RUBCN: variants seen among roughly 807,000 people sequenced by gnomAD.
RUBCN encodes the protein run domain Beclin-1-interacting and cysteine-rich domain-containing protein.
RUBCN carries 74 observed loss-of-function variants against 113.2 expected under a neutral mutation model. That is an observed-to-expected ratio of 0.65 (90% CI 0.54 to 0.79). The LOEUF is 0.79. Ranked by LOEUF, RUBCN falls within the 30% of genes least tolerant of loss-of-function variation. The probability of loss-of-function intolerance (pLI) is 0.00; values close to 1 mark genes in which losing one functional copy is unlikely to be tolerated. For synonymous variants in RUBCN, 480 were observed against 490.0 expected, an observed-to-expected ratio of 0.98 and a Z score of 0.27; for missense variants, 1,109 against 1,251.7, an observed-to-expected ratio of 0.89 and a Z score of 1.72.
chr3:197,670,590 A>C lies in RUBCN; in HGVS notation c.*4428T>G, dbSNP rs1719695023. Among the ~76,000 whole-genome samples the C allele has an allele frequency of 6.6e-6, 1 of 152,256 alleles. No individual in the cohort carries two copies. Among genetic ancestry groups the C allele is most frequent in the Non-Finnish European group, 1.5e-5 (1 of 68,040 alleles). On this transcript the variant is annotated 3_prime_UTR_variant, in exon 20 of 20. Coordinates refer to ENST00000296343, the MANE Select transcript of RUBCN (RefSeq NM_014687.4). ...AACAAAAGGGCCTTAGAACAAAGTG[A>C]AGGTTTTGTACTGTAAGCTATTTTC... is the stretch of plus-strand genomic sequence containing the variant.
At chr3:197,715,540 G>A (rs748953387) in intron 2 of RUBCN, among the ~76,000 whole-genome samples, 2 of 150,100 alleles carry the variant, frequency 1.3e-5, no homozygotes, top group African/African-American at 2.5e-5. Flanking sequence ...CATACTAGGA[G>A]AGCTCTTCCT....
chr3:197,703,432 A>AAAAAG (rs1553896558), intron 5 of RUBCN, 116 bp downstream of exon 5: 1 of 427,910 alleles, frequency 2.3e-6, no homozygotes, highest in African/African-American at 2.5e-5. Flanking sequence ...AAAAAAAAAA[A>AAAAAG]TGCAAGCCTT....
At chr3:197,721,570 A>G (rs1204664776) in intron 1 of RUBCN, among the ~76,000 whole-genome samples, 1 of 151,828 alleles carries the variant, frequency 6.6e-6, no homozygotes, top group African/African-American at 2.4e-5. Context: ...TTTTATATAT[A>G]TATTTTTTCA....
intron 2 of RUBCN, among the ~76,000 whole-genome samples, chr3:197,715,299 A>AG (rs1215107065): frequency 6.6e-6 from 1 of 151,700 alleles, no homozygotes; most frequent in Non-Finnish European, 1.5e-5. Flanking sequence ...TGAAAAAAAA[A>AG]AAAAAAGAAA....
At chr3:197,739,345 C>T (rs1728410267), upstream of RUBCN, among the ~76,000 whole-genome samples, 1 of 144,116 alleles carries the variant, frequency 6.9e-6, no homozygotes. Flanking sequence ...GAGCCGAGAT[C>T]GTGCTACTGC....
intron 2 of RUBCN, among the ~76,000 whole-genome samples, chr3:197,707,862 G>A (rs1264065902): frequency 6.6e-6 from 1 of 152,022 alleles, no homozygotes; most frequent in Non-Finnish European, 1.5e-5. Context: ...TACTCGGGAG[G>A]CTGAGGCAGG....
intron 1 of RUBCN, among the ~76,000 whole-genome samples, chr3:197,720,256 A>G (rs772246469): frequency 1.3e-4 from 20 of 152,218 alleles, no homozygotes; most frequent in Non-Finnish European, 2.1e-4. Context: ...ACCGAGTAAT[A>G]GCATGTGACA....
At position 197,675,004 on chromosome 3, in the gene RUBCN, T is replaced by C. The variant is rs1246857309; in HGVS notation, c.*14A>G. 6.2e-7 allele frequency: 1 copy of C among 1,609,232 alleles called. No individual in the cohort carries two copies. Among genetic ancestry groups the C allele is most frequent in the South Asian group, 1.1e-5 (1 of 90,968 alleles). On this transcript the variant is annotated 3_prime_UTR_variant, in exon 20 of 20. Transcript: ENST00000296343. This position sits in a 1 kb window ranked among gnomAD's most constrained non-coding sequence, Gnocchi z 4.4. ...GTGTGACCCGGCCCGGAGGGAGGGC[T>C]GCACGTGCTTTCTTCAGGTGGCCTC... is the stretch of plus-strand genomic sequence containing the variant.
chr3:197,688,915 A>G (rs1474090798), intron 11 of RUBCN, among the ~76,000 whole-genome samples: 2 of 152,208 alleles, frequency 1.3e-5, no homozygotes, highest in East Asian at 3.8e-4. Flanking sequence ...AACTGACACA[A>G]GGGATACTAC....
At chr3:197,716,727 T>C (rs1339703936) in intron 2 of RUBCN, among the ~76,000 whole-genome samples, 3 of 152,036 alleles carry the variant, frequency 2.0e-5, no homozygotes, top group Non-Finnish European at 4.4e-5. Flanking sequence ...GGATTGTCCA[T>C]GTGGGCCCAG....
intron 11 of RUBCN, among the ~76,000 whole-genome samples, chr3:197,691,821 C>T (rs1158980573): frequency 6.6e-6 from 1 of 151,892 alleles, no homozygotes; most frequent in Non-Finnish European, 1.5e-5. Context: ...GAGGTCAGAC[C>T]CTCTTTCTTT....
chr3:197,735,702 T>C (rs773597458), intron 1 of RUBCN, among the ~76,000 whole-genome samples: 2 of 152,042 alleles, frequency 1.3e-5, no homozygotes, highest in Non-Finnish European at 2.9e-5. Flanking sequence ...AGTGATCCTC[T>C]CGCCTCAGCC....
chr3:197,747,661 G>C (rs1421123718), intron 1 of RUBCN, among the ~76,000 whole-genome samples: 1 of 152,038 alleles, frequency 6.6e-6, no homozygotes, highest in African/African-American at 2.4e-5. Context: ...CTTAACCTAA[G>C]GATCCTCTCT....
Position 197,713,868 on chromosome 3 carries a change from T to C in RUBCN, c.219+4109A>G, listed in dbSNP as rs1174707766. ...GGTGGGCGAATCATGAGCTCAGGAG[T>C]TCAAGACCATCCTGGCTAACACGGT... On this transcript the variant is annotated intron_variant, in intron 2 of 19. Transcript: ENST00000296343. Among the ~76,000 whole-genome samples the C allele has an allele frequency of 4.7e-5, 7 of 149,856 alleles. No individual in the cohort carries two copies. In the South Asian group the frequency reaches 1.5e-3, roughly 32 times the overall value.
At chr3:197,677,651 G>A (rs1380995645) in intron 16 of RUBCN, 110 bp from the exon 17 acceptor site, 7 of 912,682 alleles carry the variant, frequency 7.7e-6, no homozygotes, top group African/African-American at 1.6e-5. Context: ...CTTGCATGCT[G>A]CACCCAGAGC....
chr3:197,710,698 T>G (rs1457305442), intron 2 of RUBCN, among the ~76,000 whole-genome samples: 1 of 151,236 alleles, frequency 6.6e-6, no homozygotes, highest in Non-Finnish European at 1.5e-5. Flanking sequence ...ATAAAGAATA[T>G]CTATAAATCA....
rs781222911 is a variant in RUBCN, at chr3:197,681,305, C to T, written c.2254G>A (p.Glu752Lys). 2.3e-5 allele frequency: 37 copies of T among 1,614,056 alleles called. No individual in the cohort carries two copies. The highest frequency in any genetic ancestry group is 2.9e-5 in the Non-Finnish European group (34 of 1,180,046). ...CTGGGGATGGCCATCTGGGCATTCTCGTGGCAGCACTGGCAGAAGTACTTG... is the reference window on the plus strand; with the variant it reads ...CTGGGGATGGCCATCTGGGCATTCTTGTGGCAGCACTGGCAGAAGTACTTG... ...LGKYFCQCCH[E>K]NAQMAIPSRV... The change falls in exon 16 of 20, where the codon GAG (glutamate) becomes AAG (lysine). Residue 752 changes from glutamate (E) to lysine (K), a missense_variant. Around this residue, in one of 3 missense-constraint regions of RUBCN, gnomAD observed 306 missense variants for 348.9 expected, o/e 0.88. Transcript: ENST00000296343. The surrounding 1 kb of genome is among the most constrained non-coding windows in gnomAD (Gnocchi z 5.5).
At chr3:197,714,925 C>A (rs1725349001) in intron 2 of RUBCN, among the ~76,000 whole-genome samples, 1 of 152,012 alleles carries the variant, frequency 6.6e-6, no homozygotes, top group South Asian at 2.1e-4. Context: ...AAAGCAGAAA[C>A]CTTTAAGAAT....
chr3:197,743,937 T>C (rs1299518518), intron 1 of RUBCN, among the ~76,000 whole-genome samples: 3 of 152,010 alleles, frequency 2.0e-5, no homozygotes, highest in African/African-American at 7.2e-5. Flanking sequence ...TGAGTCAAGA[T>C]TGCGCCACTG....
Sources: gnomAD v4.1 joint callset for allele counts (sites outside exome capture counted in the v4.1 genomes callset) on GRCh38, gnomAD v4.1.1 for gene constraint, gnomAD v4.1.1 regional missense constraint, Gnocchi (gnomAD v3.1) non-coding constraint, MANE v1.5 for transcripts, NCBI Gene and HGNC (gene_info 2026-07-23, HGNC 2026-07-21) for gene names.